EIF2B3: variants seen among roughly 807,000 people sequenced by gnomAD.
EIF2B3 encodes the protein eukaryotic translation initiation factor 2B subunit gamma.
A neutral mutation model predicts 54.1 loss-of-function variants in EIF2B3; 20 were observed. The ratio of observed to expected loss-of-function variants is 0.37; its 90% CI spans 0.26 to 0.54. EIF2B3 has a LOEUF of 0.54. EIF2B3 is among the 20% of genes least tolerant of loss of function. The probability of loss-of-function intolerance (pLI) is 0.86; values close to 1 mark genes in which losing one functional copy is unlikely to be tolerated. For missense variants in EIF2B3, 448 were observed against 547.8 expected (o/e 0.82, Z 1.82); for synonymous variants, 153 against 188.1 (o/e 0.81, Z 1.52).
intron 3 of EIF2B3, among the ~76,000 whole-genome samples, chr1:44,976,275 T>G (rs187820903): frequency 6.6e-6 from 1 of 152,150 alleles, no homozygotes; most frequent in African/African-American, 2.4e-5. Context: ...ACAACTCAAT[T>G]AAAAAATAGA....
At chr1:44,965,777 C>T (rs1255236172) in intron 3 of EIF2B3, among the ~76,000 whole-genome samples, 1 of 151,112 alleles carries the variant, frequency 6.6e-6, no homozygotes. Context: ...GTAGCTGGGA[C>T]TACAGGTGCA....
chr1:44,932,047 G>A (rs1304964261), intron 4 of EIF2B3, among the ~76,000 whole-genome samples: 2 of 152,142 alleles, frequency 1.3e-5, no homozygotes, highest in Admixed American at 1.3e-4. Context: ...AGGAGGCGGA[G>A]GTTGCAGTGA....
At chr1:44,884,653 C>A (rs185459332) in intron 6 of EIF2B3, among the ~76,000 whole-genome samples, 5 of 152,260 alleles carry the variant, frequency 3.3e-5, no homozygotes, top group Admixed American at 3.3e-4. Flanking sequence ...AGCTCTTTTT[C>A]TCCCCTTTTA....
intron 3 of EIF2B3, among the ~76,000 whole-genome samples, chr1:44,965,673 T>C: frequency 7.7e-6 from 1 of 130,306 alleles, no homozygotes; most frequent in East Asian, 2.5e-4. Context: ...GGAGTCTCAC[T>C]CTGTGGCCCA....
At chr1:44,946,444 C>CTTTTTTTTTTT (rs758880130) in intron 3 of EIF2B3, among the ~76,000 whole-genome samples, 5,360 of 139,952 alleles carry the variant, frequency 0.038, 205 homozygotes, top group Non-Finnish European at 0.047. Context: ...TTCATAATAC[C>CTTTTTTTTTTT]TTTTTTTTTT....
At chr1:44,858,014 C>T (rs1297842198) in intron 10 of EIF2B3, among the ~76,000 whole-genome samples, 2 of 151,004 alleles carry the variant, frequency 1.3e-5, no homozygotes, top group Non-Finnish European at 1.5e-5. Flanking sequence ...GGACTATGCT[C>T]ATAACGATCT....
intron 6 of EIF2B3, among the ~76,000 whole-genome samples, chr1:44,891,417 G>A (rs192365055): frequency 1.6e-4 from 24 of 152,208 alleles, no homozygotes; most frequent in Admixed American, 1.2e-3. Context: ...ATGAGCCACC[G>A]CACCCAGCTG....
At chr1:44,876,124 C>T (rs35674474) in intron 8 of EIF2B3, among the ~76,000 whole-genome samples, 2 of 152,170 alleles carry the variant, frequency 1.3e-5, no homozygotes, top group African/African-American at 4.8e-5. Flanking sequence ...GGCGTGATCT[C>T]GGCTAGCTAC....
chr1:44,959,232 A>G, intron 3 of EIF2B3: 1 of 694,668 alleles, frequency 1.4e-6, no homozygotes, highest in South Asian at 1.5e-5. Flanking sequence ...TGTTTAAATC[A>G]GGGTGATGGA....
At chr1:44,977,196 A>G (rs1644461345) in intron 3 of EIF2B3, among the ~76,000 whole-genome samples, 1 of 152,238 alleles carries the variant, frequency 6.6e-6, no homozygotes, top group Non-Finnish European at 1.5e-5. Flanking sequence ...CAATTTTAGA[A>G]CAATCTACAG....
At chr1:44,962,478 T>C (rs4660828) in intron 3 of EIF2B3, among the ~76,000 whole-genome samples, 2 of 152,302 alleles carry the variant, frequency 1.3e-5, no homozygotes, top group Admixed American at 1.3e-4. Context: ...AGTGGCGCGA[T>C]CACAGCACTG....
intron 3 of EIF2B3, among the ~76,000 whole-genome samples, chr1:44,952,157 G>T (rs1644170993): frequency 7.2e-6 from 1 of 138,278 alleles, no homozygotes; most frequent in African/African-American, 2.7e-5. Flanking sequence ...TAGAGACGGG[G>T]TTTCACCGTT....
intron 5 of EIF2B3, among the ~76,000 whole-genome samples, chr1:44,901,950 TA>T (rs1395918361): frequency 4.6e-5 from 7 of 152,198 alleles, no homozygotes; most frequent in African/African-American, 1.7e-4. Context: ...GCTCTCATGT[TA>T]GGTCTGTAAT....
chr1:44,935,417 C>T (rs756437343), intron 4 of EIF2B3, among the ~76,000 whole-genome samples: 27 of 152,272 alleles, frequency 1.8e-4, no homozygotes, highest in Middle Eastern at 3.4e-3. Flanking sequence ...TATGCATATA[C>T]GGTGTCACTG....
chr1:44,866,397 CAA>C (rs1426558504), intron 10 of EIF2B3, among the ~76,000 whole-genome samples: 2 of 101,452 alleles, frequency 2.0e-5, no homozygotes, highest in Non-Finnish European at 2.1e-5. Context: ...GATTCTGTCT[CAA>C]AAAAAAAAAA....
chr1:44,950,856 T>C lies in EIF2B3; in HGVS notation c.295-9191A>G, dbSNP rs545117695. ...GGCATGTGTCACCACACCTGGCTGA[T>C]TTTTGTATTTTCAGTAGAGACAGGA... On this transcript the variant is annotated intron_variant, in intron 3 of 11. Coordinates refer to ENST00000360403, the MANE Select transcript of EIF2B3 (RefSeq NM_020365.5). Among the ~76,000 whole-genome samples the C allele has an allele frequency of 3.3e-5, 5 of 152,224 alleles. No individual in the cohort carries two copies. In the East Asian group the frequency reaches 9.7e-4, roughly 29 times the overall value.
intron 6 of EIF2B3, among the ~76,000 whole-genome samples, chr1:44,887,823 G>A (rs527817655): frequency 1.3e-5 from 2 of 152,154 alleles, no homozygotes; most frequent in South Asian, 4.2e-4. Context: ...GCCTGAACTC[G>A]GGAGGCAGAG....
intron 3 of EIF2B3, among the ~76,000 whole-genome samples, chr1:44,970,894 C>A (rs12122911): frequency 0.29 from 43,470 of 151,976 alleles, 6,760 homozygotes; most frequent in African/African-American, 0.38. Context: ...TAAGAAAAAA[C>A]CAAGTAAAGA....
intron 11 of EIF2B3, among the ~76,000 whole-genome samples, chr1:44,853,656 A>T (rs1654347082): frequency 6.6e-6 from 1 of 152,140 alleles, no homozygotes; most frequent in East Asian, 1.9e-4. Flanking sequence ...CAGGGATGGG[A>T]GTAGGGTCCA....
Sources: gnomAD v4.1 joint callset for allele counts (sites outside exome capture counted in the v4.1 genomes callset) on GRCh38, gnomAD v4.1.1 for gene constraint, MANE v1.5 for transcripts, NCBI Gene and HGNC (gene_info 2026-07-23, HGNC 2026-07-21) for gene names.